The following CDH8 variants were observed in gnomAD, a reference collection of about 807,000 sequenced individuals.
The protein encoded by CDH8 is cadherin 8.
In CDH8, 17 loss-of-function variants were observed where a neutral mutation model predicts 68.1. The observed-to-expected ratio is 0.25, with a 90% CI of 0.17 to 0.37. CDH8 has a LOEUF of 0.37. Among genes scored for constraint, CDH8 ranks in the 10% least tolerant of loss-of-function variants. The pLI, the probability that CDH8 is intolerant of heterozygous loss-of-function variation, is 1.00. For missense variants in CDH8, 763 were observed against 999.3 expected (o/e 0.76, Z 3.19); for synonymous variants, 372 against 365.1 (o/e 1.02, Z -0.21).
chr16:61,868,732 G>A (rs1459882622), intron 3 of CDH8, among the ~76,000 whole-genome samples: 1 of 152,102 alleles, frequency 6.6e-6, no homozygotes, highest in African/African-American at 2.4e-5. Flanking sequence ...TTCAAATTCT[G>A]AATTTTCAGA....
intron 10 of CDH8, among the ~76,000 whole-genome samples, chr16:61,700,717 C>T (rs907548364): frequency 6.6e-6 from 1 of 152,120 alleles, no homozygotes; most frequent in East Asian, 1.9e-4. Context: ...AGAACCAGAA[C>T]AGAAGTTACT....
chr16:61,800,207 C>A (rs1485680259), intron 7 of CDH8, among the ~76,000 whole-genome samples: 3 of 152,198 alleles, frequency 2.0e-5, no homozygotes, highest in Admixed American at 6.5e-5. Flanking sequence ...AGGATAAACA[C>A]ACCATTCCAG....
At position 61,653,927 on chromosome 16, in the gene CDH8, A is replaced by T; in HGVS notation, c.2081T>A (p.Phe694Tyr). 1 of 1,614,172 alleles carries T rather than the reference A, an allele frequency of 6.2e-7. No homozygotes were observed. Among genetic ancestry groups the T allele is most frequent in the Non-Finnish European group, 8.5e-7 (1 of 1,180,032 alleles). Residue 694 changes from phenylalanine (F) to tyrosine (Y), a missense_variant, in exon 12 of 12, where the codon TTT becomes TAT. This residue lies in a region of CDH8 where 397 missense variants were observed against 436.2 expected (regional missense o/e 0.91). Transcript: ENST00000577390. ...TLQNPDGING[F>Y]LPRKDIKPDL... Reference sequence around the variant, plus strand: ...TGGTTTAATATCCTTACGGGGTAAAAATCCATTAATTCCATCTGGATTTTG... The same window carrying T: ...TGGTTTAATATCCTTACGGGGTAAATATCCATTAATTCCATCTGGATTTTG...
intron 10 of CDH8, among the ~76,000 whole-genome samples, chr16:61,661,531 T>A (rs899804955): frequency 6.6e-6 from 1 of 151,806 alleles, no homozygotes; most frequent in Non-Finnish European, 1.5e-5. Flanking sequence ...TTTAAAAAAA[T>A]TATGAAACAA....
rs538293649 is a variant in CDH8, at chr16:61,717,082, G to A, written c.1537-3124C>T. On this transcript the variant is annotated intron_variant, in intron 9 of 11. Transcript: ENST00000577390. ...GTTTTTTCAAGTAATTTCATTTCAT[G>A]GCAATAATATAAAAATTTCTGGAGC... Among the ~76,000 whole-genome samples the A allele has an allele frequency of 9.2e-5, 14 of 151,610 alleles. 1 individual carries two copies. The highest frequency in any genetic ancestry group is 3.4e-4 in the African/African-American group (14 of 41,430).
chr16:61,773,467 G>C (rs1960829919), intron 8 of CDH8, among the ~76,000 whole-genome samples: 1 of 152,090 alleles, frequency 6.6e-6, no homozygotes, highest in Non-Finnish European at 1.5e-5. Flanking sequence ...ATCTGTACTG[G>C]TATTTGTGTA....
At chr16:61,975,233 GA>G (rs1412200993) in intron 2 of CDH8, among the ~76,000 whole-genome samples, 2 of 151,988 alleles carry the variant, frequency 1.3e-5, no homozygotes, top group African/African-American at 4.8e-5. Context: ...TTGAAAGAAA[GA>G]AAGGAAGAAA....
intron 11 of CDH8, 108 bp downstream of exon 11, chr16:61,655,362 C>T (rs931373588): frequency 1.8e-6 from 2 of 1,086,276 alleles, no homozygotes; most frequent in Non-Finnish European, 2.7e-6. Flanking sequence ...AGTTCCTCTT[C>T]CCCAACGGAA....
intron 10 of CDH8, chr16:61,710,730 T>C (rs1964616063): frequency 6.6e-6 from 1 of 152,034 alleles, no homozygotes; most frequent in Non-Finnish European, 1.5e-5. Flanking sequence ...GACGGTGCTC[T>C]GGCAATTTGA....
intron 3 of CDH8, among the ~76,000 whole-genome samples, chr16:61,863,264 T>C (rs1963187268): frequency 1.3e-5 from 2 of 152,198 alleles, no homozygotes; most frequent in South Asian, 2.1e-4. Flanking sequence ...TACAGTATCA[T>C]GTGCCTCTTG....
intron 3 of CDH8, among the ~76,000 whole-genome samples, chr16:61,900,029 A>T (rs766423689): frequency 1.3e-5 from 2 of 152,144 alleles, no homozygotes; most frequent in Non-Finnish European, 2.9e-5. Flanking sequence ...TGAAGACACT[A>T]TATGTCTGTA....
intron 8 of CDH8, among the ~76,000 whole-genome samples, chr16:61,763,109 A>C (rs11644657): frequency 0.16 from 24,737 of 152,060 alleles, 2,157 homozygotes; most frequent in Middle Eastern, 0.21. Context: ...CTTGCATAGG[A>C]TGTAAAAGAA....
At chr16:61,801,255 G>T (rs571202408) in intron 7 of CDH8, among the ~76,000 whole-genome samples, 1 of 152,044 alleles carries the variant, frequency 6.6e-6, no homozygotes, top group Non-Finnish European at 1.5e-5. Context: ...ATAACTAATA[G>T]CCAGGTCTAG....
At chr16:61,998,226 T>C (rs1473388632) in intron 2 of CDH8, among the ~76,000 whole-genome samples, 1 of 152,224 alleles carries the variant, frequency 6.6e-6, no homozygotes, top group African/African-American at 2.4e-5. Flanking sequence ...TTGATGAATA[T>C]GGTGAGATTC....
chr16:61,756,187 TTG>T (rs1457139261), intron 8 of CDH8, among the ~76,000 whole-genome samples: 4 of 152,172 alleles, frequency 2.6e-5, no homozygotes, highest in Admixed American at 2.6e-4. Flanking sequence ...TTGTACATTT[TTG>T]TGTCTTTAAA....
chr16:61,801,811 C>T lies in CDH8; in HGVS notation c.1278-12329G>A, dbSNP rs12918371. On this transcript the variant is annotated intron_variant, in intron 7 of 11. Transcript: ENST00000577390. ...TATATCCCACACCTGGCTCGGAGGGCCCTACGCCCACGGAGTCTCGCTGAT... is the reference window on the plus strand; with the variant it reads ...TATATCCCACACCTGGCTCGGAGGGTCCTACGCCCACGGAGTCTCGCTGAT... Among the ~76,000 whole-genome samples the T allele has an allele frequency of 8.4e-3, 1,281 of 152,300 alleles. 12 individuals carry two copies. The highest frequency in any genetic ancestry group is 0.016 in the Admixed American group (245 of 15,294).
At chr16:61,820,314 GTTTTTTTTT>G (rs545670875) in intron 6 of CDH8, among the ~76,000 whole-genome samples, 2 of 90,776 alleles carry the variant, frequency 2.2e-5, no homozygotes, top group South Asian at 3.9e-4. Flanking sequence ...TGCCTGTTTG[GTTTTTTTTT>G]TTTTTTTTTT....
intron 1 of CDH8, among the ~76,000 whole-genome samples, chr16:62,028,298 A>G (rs1254665565): frequency 6.6e-6 from 1 of 151,346 alleles, no homozygotes; most frequent in African/African-American, 2.4e-5. Context: ...AAACCCCTGA[A>G]CTCAAGTGAC....
intron 10 of CDH8, among the ~76,000 whole-genome samples, chr16:61,681,484 G>T (rs965716122): frequency 1.5e-4 from 23 of 150,984 alleles, no homozygotes; most frequent in Admixed American, 1.5e-3. Flanking sequence ...AATTTATAGA[G>T]ACAGAAAGTA....
Sources: gnomAD v4.1 joint callset for allele counts (sites outside exome capture counted in the v4.1 genomes callset) on GRCh38, gnomAD v4.1.1 for gene constraint, gnomAD v4.1.1 regional missense constraint, MANE v1.5 for transcripts, NCBI Gene and HGNC (gene_info 2026-07-23, HGNC 2026-07-21) for gene names.